Variants in DLG2 observed in about 807,000 individuals in gnomAD.
DLG2 encodes disks large homolog 2.
DLG2 carries 45 observed loss-of-function variants against 132.5 expected under a neutral mutation model. The observed-to-expected ratio is 0.34, with a 90% CI of 0.27 to 0.44. The LOEUF (loss-of-function observed/expected upper bound fraction) is 0.44. Ranked by LOEUF, DLG2 falls within the 20% of genes least tolerant of loss-of-function variation. The probability of loss-of-function intolerance (pLI) is 1.00; values close to 1 mark genes in which losing one functional copy is unlikely to be tolerated. For synonymous variants in DLG2, 424 were observed against 419.6 expected (o/e 1.01, Z -0.13); for missense variants, 1,045 against 1,196.9 (o/e 0.87, Z 1.87).
chr11:85,194,272 G>C (rs1317840688), intron 4 of DLG2, among the ~76,000 whole-genome samples: 1 of 152,098 alleles, frequency 6.6e-6, no homozygotes, highest in Admixed American at 6.6e-5. Context: ...CTTTTTTCTC[G>C]TAAGAAGTCC....
At chr11:84,271,095 G>A (rs193099513) in intron 7 of DLG2, among the ~76,000 whole-genome samples, 18 of 152,200 alleles carry the variant, frequency 1.2e-4, no homozygotes, top group African/African-American at 4.3e-4. Context: ...AAAATAAATT[G>A]AGGGTCAGTT....
At chr11:83,960,928 T>C (rs2088537263) in intron 14 of DLG2, among the ~76,000 whole-genome samples, 1 of 151,900 alleles carries the variant, frequency 6.6e-6, no homozygotes, top group South Asian at 2.1e-4. Context: ...GCACCAACCA[T>C]TCTGATTTTG....
intron 6 of DLG2, chr11:84,686,761 G>A (rs564442846): frequency 6.6e-6 from 1 of 150,498 alleles, no homozygotes; most frequent in Admixed American, 6.7e-5. Flanking sequence ...CTCCTTACTT[G>A]CTTGCATTCA....
intron 3 of DLG2, among the ~76,000 whole-genome samples, chr11:85,577,457 T>C (rs560616623): frequency 1.3e-5 from 2 of 152,186 alleles, no homozygotes; most frequent in South Asian, 2.1e-4. Flanking sequence ...AATGATGATA[T>C]TTATTGAGAT....
intron 6 of DLG2, among the ~76,000 whole-genome samples, chr11:84,892,400 C>G (rs897527185): frequency 1.3e-5 from 2 of 151,938 alleles, no homozygotes; most frequent in Non-Finnish European, 2.9e-5. Flanking sequence ...TAGAATGCAG[C>G]TCTATGGCAA....
chr11:84,587,604 G>A (rs1409758060), intron 6 of DLG2, among the ~76,000 whole-genome samples: 2 of 151,892 alleles, frequency 1.3e-5, no homozygotes, highest in South Asian at 2.1e-4. Context: ...TTAAAAAGGC[G>A]GTTCTGGCAT....
At chr11:84,674,693 T>G (rs754494116) in intron 6 of DLG2, among the ~76,000 whole-genome samples, 1 of 152,266 alleles carries the variant, frequency 6.6e-6, no homozygotes, top group Non-Finnish European at 1.5e-5. Flanking sequence ...CTCATTGACC[T>G]CCTTTTAGTT....
intron 18 of DLG2, among the ~76,000 whole-genome samples, chr11:83,758,310 T>C (rs1304213831): frequency 6.6e-6 from 1 of 152,052 alleles, no homozygotes; most frequent in Non-Finnish European, 1.5e-5. Flanking sequence ...TCACATCCAA[T>C]TACCCCACAG....
intron 18 of DLG2, among the ~76,000 whole-genome samples, chr11:83,781,890 T>C (rs1236248860): frequency 3.9e-5 from 6 of 152,256 alleles, no homozygotes; most frequent in African/African-American, 1.2e-4. Flanking sequence ...CTGATCTGAC[T>C]TGGGGAAATG....
intron 11 of DLG2, among the ~76,000 whole-genome samples, chr11:84,010,876 A>G (rs1354239761): frequency 6.6e-6 from 1 of 152,106 alleles, no homozygotes; most frequent in African/African-American, 2.4e-5. Flanking sequence ...TAATGTGTAA[A>G]CTGGGTATAC....
intron 6 of DLG2, among the ~76,000 whole-genome samples, chr11:84,625,961 T>G (rs2099621833): frequency 6.6e-6 from 1 of 152,192 alleles, no homozygotes; most frequent in Admixed American, 6.5e-5. Flanking sequence ...AACAATTAGG[T>G]GCCAAGCATA....
rs145907595 is a variant in DLG2 at position 84,791,765 on chromosome 11, G to A, written c.358-257034C>T. ...AGTGTTGCCATATAGAAATGCTACC[G>A]ATTTTTGTATGTTGATTTTGTATTC... On this transcript the variant is annotated intron_variant, in intron 6 of 27. Transcript: ENST00000376104. Among the ~76,000 whole-genome samples, 35 of 152,048 alleles carry A rather than the reference G, an allele frequency of 2.3e-4. No individual in the cohort carries two copies. In the East Asian group the frequency reaches 5.6e-3, roughly 24 times the overall value.
At chr11:84,166,208 G>C (rs1408704419) in intron 8 of DLG2, among the ~76,000 whole-genome samples, 1 of 152,040 alleles carries the variant, frequency 6.6e-6, no homozygotes, top group Non-Finnish European at 1.5e-5. Context: ...AAAGAACTAA[G>C]AATACCCCCC....
intron 18 of DLG2, among the ~76,000 whole-genome samples, chr11:83,761,666 T>C (rs1422986377): frequency 1.2e-4 from 19 of 152,284 alleles, no homozygotes; most frequent in Admixed American, 1.2e-3. Context: ...TCTGATTGAA[T>C]GCAAATGGCT....
intron 3 of DLG2, among the ~76,000 whole-genome samples, chr11:85,479,379 G>T (rs953642836): frequency 1.3e-5 from 2 of 152,112 alleles, no homozygotes; most frequent in African/African-American, 4.8e-5. Flanking sequence ...TTTCCTAAAG[G>T]CACAAATCTC....
At chr11:85,624,090 G>A (rs2081907748) in intron 2 of DLG2, among the ~76,000 whole-genome samples, 1 of 152,190 alleles carries the variant, frequency 6.6e-6, no homozygotes, top group African/African-American at 2.4e-5. Flanking sequence ...TGAGGAAACA[G>A]AAGAGTCTTC....
chr11:85,433,982 T>G (rs1402668086), intron 3 of DLG2, among the ~76,000 whole-genome samples: 1 of 152,114 alleles, frequency 6.6e-6, no homozygotes, highest in African/African-American at 2.4e-5. Context: ...CAGACCACAG[T>G]GCAATCAAAT....
At chr11:83,864,661 C>T (rs939159126) in intron 16 of DLG2, among the ~76,000 whole-genome samples, 1 of 152,122 alleles carries the variant, frequency 6.6e-6, no homozygotes, top group African/African-American at 2.4e-5. Context: ...ATAAACATCG[C>T]TGGCTGTTTC....
intron 18 of DLG2, among the ~76,000 whole-genome samples, chr11:83,690,228 C>A (rs2034717526): frequency 6.6e-6 from 1 of 150,736 alleles, no homozygotes; most frequent in Non-Finnish European, 1.5e-5. Context: ...ACCAAGATCT[C>A]CTAGACAGAA....
Sources: gnomAD v4.1 joint callset for allele counts (sites outside exome capture counted in the v4.1 genomes callset) on GRCh38, gnomAD v4.1.1 for gene constraint, MANE v1.5 for transcripts, NCBI Gene and HGNC (gene_info 2026-07-23, HGNC 2026-07-21) for gene names.